Variants in MAP2K5 observed in about 807,000 individuals in gnomAD.
The protein encoded by MAP2K5 is mitogen-activated protein kinase kinase 5.
In MAP2K5, 49 loss-of-function variants were observed where a neutral mutation model predicts 83.1. That is an observed-to-expected ratio of 0.59 (90% CI 0.47 to 0.75). The LOEUF is 0.75. MAP2K5 is among the 30% of genes least tolerant of loss of function. The probability of loss-of-function intolerance (pLI) is 0.00; values close to 1 mark genes in which losing one functional copy is unlikely to be tolerated. For missense variants in MAP2K5, 457 were observed against 557.5 expected (o/e 0.82, Z 1.82); for synonymous variants, 202 against 191.8 (o/e 1.05, Z -0.44).
At chr15:67,662,782 C>G (rs1236543858) in intron 12 of MAP2K5, among the ~76,000 whole-genome samples, 2 of 152,066 alleles carry the variant, frequency 1.3e-5, no homozygotes, top group African/African-American at 2.4e-5. Flanking sequence ...AAATGCAAAT[C>G]TAATTCAGAT....
chr15:67,618,153 T>A (rs754980783), intron 8 of MAP2K5, among the ~76,000 whole-genome samples: 12 of 152,208 alleles, frequency 7.9e-5, no homozygotes, highest in Admixed American at 1.3e-4. Flanking sequence ...AAGGAGTAAA[T>A]AATATAATCA....
intron 3 of MAP2K5, among the ~76,000 whole-genome samples, chr15:67,566,323 C>T (rs987714487): frequency 4.6e-5 from 7 of 152,004 alleles, no homozygotes; most frequent in Admixed American, 6.6e-5. Flanking sequence ...TACAGGTGCC[C>T]GCCACCACGC....
At position 67,543,455 on chromosome 15, in the gene MAP2K5, C is replaced by A. The variant is rs763775637; in HGVS notation, c.120C>A (p.Leu40=). Reference sequence around the variant, plus strand: ...CAGTGCACTCCGGGCCGCAGTTACTCTTCAGGGATGTGCTGGTGAGTGGTA... The same window carrying A: ...CAGTGCACTCCGGGCCGCAGTTACTATTCAGGGATGTGCTGGTGAGTGGTA... The part of the protein sequence containing the change: ...DWTVHSGPQL[L]FRDVLDVIGQ... Residue 40 remains leucine, a synonymous_variant, in exon 1 of 22, where the codon CTC becomes CTA. Transcript: ENST00000178640. The surrounding 1 kb of genome is among the most constrained non-coding windows in gnomAD (Gnocchi z 4.3). 1.2e-6 allele frequency: 2 copies of A among 1,614,168 alleles called. No homozygotes were observed. The highest frequency in any genetic ancestry group is 4.5e-5 in the East Asian group (2 of 44,882).
intron 7 of MAP2K5, among the ~76,000 whole-genome samples, chr15:67,599,415 T>A (rs72749353): frequency 1.3e-5 from 2 of 152,106 alleles, no homozygotes; most frequent in African/African-American, 4.8e-5. Context: ...TAAAATGGCT[T>A]GGAAAAGAAG....
chr15:67,685,261 T>G (rs960703437), intron 13 of MAP2K5, among the ~76,000 whole-genome samples: 1 of 152,198 alleles, frequency 6.6e-6, no homozygotes, highest in Non-Finnish European at 1.5e-5. Context: ...GCCGACTTCA[T>G]GTCACAAGCT....
intron 4 of MAP2K5, 126 bp downstream of exon 4, chr15:67,580,949 G>A (rs1279757781): frequency 3.0e-6 from 2 of 671,356 alleles, no homozygotes; most frequent in Non-Finnish European, 5.4e-6. Context: ...AACAAAAGAA[G>A]TATTCATTAT....
chr15:67,713,809 G>A (rs923391063), intron 16 of MAP2K5, among the ~76,000 whole-genome samples: 2 of 151,930 alleles, frequency 1.3e-5, no homozygotes, highest in African/African-American at 2.4e-5. Context: ...ATTTGATGGC[G>A]AGTTTGTCAT....
At chr15:67,682,422 GCCA>G (rs2087839405) in intron 13 of MAP2K5, among the ~76,000 whole-genome samples, 1 of 151,696 alleles carries the variant, frequency 6.6e-6, no homozygotes, top group African/African-American at 2.4e-5. Flanking sequence ...ACAGGGTTTT[GCCA>G]CGTTGGCCAG....
rs566414471 is a variant in MAP2K5 at position 67,636,266 on chromosome 15, G to T, written c.585+5339G>T. On this transcript the variant is annotated intron_variant, in intron 9 of 21. Transcript: ENST00000178640. The surrounding 1 kb of genome is among the most constrained non-coding windows in gnomAD (Gnocchi z 4.7). Reference sequence around the variant, plus strand: ...TACTAAAAATACAAAAAATTAGCTGGCCGTGGTGTCGGGCGCTTGTAGTCC... The same window carrying T: ...TACTAAAAATACAAAAAATTAGCTGTCCGTGGTGTCGGGCGCTTGTAGTCC... Among the ~76,000 whole-genome samples, 1 of 152,236 alleles carries T rather than the reference G, an allele frequency of 6.6e-6. No homozygotes were observed. Among genetic ancestry groups the T allele is most frequent in the African/African-American group, 2.4e-5 (1 of 41,544 alleles).
chr15:67,626,972 A>G (rs2141079394), intron 8 of MAP2K5, among the ~76,000 whole-genome samples: 1 of 150,898 alleles, frequency 6.6e-6, no homozygotes, highest in East Asian at 2.0e-4. Flanking sequence ...TCGCTCTGTC[A>G]CCCGGGCTGT....
At chr15:67,627,338 C>A (rs749332089) in intron 8 of MAP2K5, among the ~76,000 whole-genome samples, 1 of 152,170 alleles carries the variant, frequency 6.6e-6, no homozygotes, top group Non-Finnish European at 1.5e-5. Context: ...TTAAATAATT[C>A]TTTGGTAAAG....
chr15:67,658,551 AG>A lies in MAP2K5; in HGVS notation c.740del. The stretch of plus-strand genomic sequence containing the variant: ...AGTAACATGGCATGTTTATCTCTAC[AG>A]GGGGATCTTTGGATGTATATAGGAA... On this transcript the variant is annotated splice_acceptor_variant, in intron 11 of 21. Coordinates refer to ENST00000178640, the MANE Select transcript of MAP2K5 (RefSeq NM_145160.3). LOFTEE classifies it high-confidence loss of function. 1 of 1,611,020 alleles carries A rather than the reference AG, an allele frequency of 6.2e-7. No individual in the cohort carries two copies. Among genetic ancestry groups the A allele is most frequent in the Non-Finnish European group, 8.5e-7 (1 of 1,177,534 alleles).
rs1200907935 is a variant in MAP2K5 at position 67,563,930 on chromosome 15, A to G, written c.252+580A>G. 2.6e-5 allele frequency among the ~76,000 whole-genome samples: 4 copies of G among 152,252 alleles called. No individual in the cohort carries two copies. The highest frequency in any genetic ancestry group is 7.2e-5 in the African/African-American group (3 of 41,464). The stretch of plus-strand genomic sequence containing the variant: ...TTACTGAAAATCTGCGTTAACAGTT[A>G]TCTGATACTGAAGTAAACAAGAGAA... On this transcript the variant is annotated intron_variant, in intron 3 of 21. Transcript: ENST00000178640. This position sits in a 1 kb window ranked among gnomAD's most constrained non-coding sequence, Gnocchi z 4.5.
chr15:67,640,139 G>C lies in MAP2K5; in HGVS notation c.586-6092G>C, dbSNP rs2086682822. On this transcript the variant is annotated intron_variant, in intron 9 of 21. Coordinates refer to ENST00000178640, the MANE Select transcript of MAP2K5 (RefSeq NM_145160.3). This position sits in a 1 kb window ranked among gnomAD's most constrained non-coding sequence, Gnocchi z 4.6. ...CTTCTTGCCTTACTCCGTGATTCCT[G>C]CAGATCCTTGCATATAGGGTATAGT... Among the ~76,000 whole-genome samples the C allele has an allele frequency of 6.6e-6, 1 of 152,156 alleles. No individual in the cohort carries two copies. The highest frequency in any genetic ancestry group is 6.5e-5 in the Admixed American group (1 of 15,278).
chr15:67,756,105 A>C (rs1319179984), intron 19 of MAP2K5, among the ~76,000 whole-genome samples: 2 of 152,182 alleles, frequency 1.3e-5, no homozygotes, highest in Non-Finnish European at 2.9e-5. Flanking sequence ...CCACAGTCCT[A>C]TCTCTCTATT....
intron 15 of MAP2K5, among the ~76,000 whole-genome samples, chr15:67,695,184 C>T (rs975364301): frequency 6.6e-6 from 1 of 151,738 alleles, no homozygotes; most frequent in Non-Finnish European, 1.5e-5. Context: ...GGGTGCAGTG[C>T]ACCAGCATGG....
rs1328098409 is a variant in MAP2K5, at chr15:67,644,964, A to G, written c.586-1267A>G. On this transcript the variant is annotated intron_variant, in intron 9 of 21. Transcript: ENST00000178640. This position sits in a 1 kb window ranked among gnomAD's most constrained non-coding sequence, Gnocchi z 4.6. ...GGAGTTCAAGACCAGCCTGGCCAAC[A>G]TGGTGAAACCCCATCTCTACTAAAA... is the stretch of plus-strand genomic sequence containing the variant. Among the ~76,000 whole-genome samples, 2 of 152,022 alleles carry G rather than the reference A, an allele frequency of 1.3e-5. No homozygotes were observed. The highest frequency in any genetic ancestry group is 6.6e-5 in the Admixed American group (1 of 15,264).
chr15:67,752,766 C>T (rs949826028), intron 19 of MAP2K5, among the ~76,000 whole-genome samples: 4 of 151,200 alleles, frequency 2.6e-5, no homozygotes, highest in African/African-American at 9.7e-5. Flanking sequence ...GATGGAAATA[C>T]TCTCAAAATT....
chr15:67,709,089 T>A (rs1210331936), intron 16 of MAP2K5, among the ~76,000 whole-genome samples: 2 of 152,228 alleles, frequency 1.3e-5, no homozygotes, highest in Admixed American at 1.3e-4. Context: ...TTGGCCTGTT[T>A]CTCCATTGTT....
Sources: gnomAD v4.1 joint callset for allele counts (sites outside exome capture counted in the v4.1 genomes callset) on GRCh38, gnomAD v4.1.1 for gene constraint, Gnocchi (gnomAD v3.1) non-coding constraint, MANE v1.5 for transcripts, NCBI Gene and HGNC (gene_info 2026-07-23, HGNC 2026-07-21) for gene names.